The following GPR158 variants were observed in gnomAD, a reference collection of about 807,000 sequenced individuals.
GPR158 encodes G protein-coupled receptor 158, also known as metabotropic glycine receptor.
Under a neutral mutation model 78.2 loss-of-function variants are expected in GPR158, and 30 were observed. The observed-to-expected ratio is 0.38, with a 90% confidence interval of 0.29 to 0.52. GPR158 has a LOEUF of 0.52. Among genes scored for constraint, GPR158 ranks in the 20% least tolerant of loss-of-function variants. GPR158 has a pLI of 0.83. For synonymous variants in GPR158, 581 were observed against 591.1 expected (o/e 0.98, Z 0.25); for missense variants, 1,463 against 1,523.5 (o/e 0.96, Z 0.66).
chr10:25,453,572 C>T (rs767319772), intron 4 of GPR158, among the ~76,000 whole-genome samples: 2 of 151,898 alleles, frequency 1.3e-5, no homozygotes, highest in Admixed American at 6.6e-5. Flanking sequence ...TTATTAATTC[C>T]AATTAATGAG....
chr10:25,350,250 G>T lies in GPR158; in HGVS notation c.1009-45661G>T, dbSNP rs75199502. ...AGTGACTATGTATTGTGAATATTCA[G>T]AAATTTATACTTTTAAATAAAATTC... is the stretch of plus-strand genomic sequence containing the variant. On this transcript the variant is annotated intron_variant, in intron 2 of 10. Transcript: ENST00000376351. Among the ~76,000 whole-genome samples the T allele has an allele frequency of 1.1e-3, 172 of 152,068 alleles. 1 individual carries two copies. The East Asian group carries it at 0.03, about 27-fold the overall frequency.
chr10:25,514,929 G>C (rs1039755641), intron 5 of GPR158, among the ~76,000 whole-genome samples: 15 of 152,052 alleles, frequency 9.9e-5, no homozygotes, highest in Non-Finnish European at 1.9e-4. Flanking sequence ...TGGTGCTTTT[G>C]CTTCATAGCT....
intron 5 of GPR158, among the ~76,000 whole-genome samples, chr10:25,509,691 G>A (rs1836058140): frequency 6.6e-6 from 1 of 152,120 alleles, no homozygotes; most frequent in South Asian, 2.1e-4. Flanking sequence ...CCAGGTGTAA[G>A]CTGTATTGCC....
chr10:25,251,013 T>A (rs1853789466), intron 2 of GPR158, among the ~76,000 whole-genome samples: 4 of 152,028 alleles, frequency 2.6e-5, no homozygotes, highest in African/African-American at 4.8e-5. Flanking sequence ...TGGGTGCATA[T>A]ATATTTAGGA....
chr10:25,459,379 GCT>G (rs1409624095), intron 4 of GPR158, among the ~76,000 whole-genome samples: 1 of 151,928 alleles, frequency 6.6e-6, no homozygotes, highest in East Asian at 1.9e-4. Context: ...TAGTTCTATT[GCT>G]CTCTCATATT....
At chr10:25,200,863 G>GTTTTT (rs1209435056) in intron 1 of GPR158, among the ~76,000 whole-genome samples, 4 of 84,490 alleles carry the variant, frequency 4.7e-5, no homozygotes, top group African/African-American at 9.0e-5. Flanking sequence ...TCTGTTTTTT[G>GTTTTT]TTTTGTTTTT....
At chr10:25,494,291 G>T (rs904571902) in intron 5 of GPR158, among the ~76,000 whole-genome samples, 8 of 152,098 alleles carry the variant, frequency 5.3e-5, no homozygotes, top group Non-Finnish European at 1.0e-4. Context: ...TCTATATTAT[G>T]AGTTAAACAC....
chr10:25,515,284 G>C (rs565727871), intron 5 of GPR158, among the ~76,000 whole-genome samples: 4 of 151,946 alleles, frequency 2.6e-5, no homozygotes, highest in Non-Finnish European at 4.4e-5. Context: ...TGATTCTATA[G>C]CTGAGACTTT....
At chr10:25,440,248 G>T (rs1588865479) in intron 4 of GPR158, among the ~76,000 whole-genome samples, 1 of 152,200 alleles carries the variant, frequency 6.6e-6, no homozygotes, top group South Asian at 2.1e-4. Flanking sequence ...CAGTACAGGG[G>T]CCTGGGCCAC....
At position 25,385,618 on chromosome 10, in the gene GPR158, C is replaced by T. The variant is rs145883566; in HGVS notation, c.1009-10293C>T. ...AGGGTTCCAATTTTTTCCACATCCT[C>T]AGAAACATTTATTATTATTATAATT... On this transcript the variant is annotated intron_variant, in intron 2 of 10. Transcript: ENST00000376351. Among the ~76,000 whole-genome samples, 101 of 152,214 alleles carry T rather than the reference C, an allele frequency of 6.6e-4. 1 individual carries two copies. The highest frequency in any genetic ancestry group is 2.3e-3 in the African/African-American group (96 of 41,570).
intron 4 of GPR158, among the ~76,000 whole-genome samples, chr10:25,455,136 A>G (rs1835273563): frequency 6.6e-6 from 1 of 152,200 alleles, no homozygotes; most frequent in South Asian, 2.1e-4. Flanking sequence ...ATAGAAAAGC[A>G]GGTTGGAAAA....
chr10:25,374,332 C>T (rs1564437297), intron 2 of GPR158, among the ~76,000 whole-genome samples: 1 of 151,354 alleles, frequency 6.6e-6, no homozygotes, highest in Non-Finnish European at 1.5e-5. Flanking sequence ...ACTCTGTATT[C>T]CCCAATGGTA....
intron 2 of GPR158, among the ~76,000 whole-genome samples, chr10:25,229,302 G>A (rs1853417710): frequency 6.6e-6 from 1 of 152,070 alleles, no homozygotes; most frequent in African/African-American, 2.4e-5. Context: ...ATCATAGGGA[G>A]GATTACTAAC....
chr10:25,477,463 A>G, intron 5 of GPR158, among the ~76,000 whole-genome samples: 1 of 152,242 alleles, frequency 6.6e-6, no homozygotes, highest in East Asian at 1.9e-4. Flanking sequence ...TTTATACTTC[A>G]TTCCCTCAAC....
intron 7 of GPR158, among the ~76,000 whole-genome samples, chr10:25,586,965 A>G (rs1241831067): frequency 1.3e-5 from 2 of 152,228 alleles, no homozygotes; most frequent in Non-Finnish European, 2.9e-5. Context: ...TTAATCAGGT[A>G]CTATAGCCAA....
intron 5 of GPR158, among the ~76,000 whole-genome samples, chr10:25,509,130 C>T (rs1836050993): frequency 6.6e-6 from 1 of 152,144 alleles, no homozygotes; most frequent in African/African-American, 2.4e-5. Context: ...CTGGCAACCA[C>T]CCACTAAACA....
chr10:25,576,449 A>AACTT (rs1042556299), intron 7 of GPR158, among the ~76,000 whole-genome samples: 8 of 152,206 alleles, frequency 5.3e-5, no homozygotes, highest in Admixed American at 1.3e-4. Context: ...CCAGAGAGAA[A>AACTT]ACTTACTTAC....
intron 2 of GPR158, among the ~76,000 whole-genome samples, chr10:25,361,571 A>T (rs1855641172): frequency 6.6e-6 from 1 of 151,908 alleles, no homozygotes; most frequent in African/African-American, 2.4e-5. Flanking sequence ...CAAGGGTACC[A>T]ATTTTTCCAC....
chr10:25,228,742 G>A (rs1033394901), intron 2 of GPR158, among the ~76,000 whole-genome samples: 1 of 152,080 alleles, frequency 6.6e-6, no homozygotes, highest in East Asian at 1.9e-4. Flanking sequence ...TGTACAAGAT[G>A]ATTTGTAGGC....
Sources: allele counts gnomAD v4.1 joint callset (sites outside exome capture counted in the v4.1 genomes callset), GRCh38; gene constraint gnomAD v4.1.1; transcripts MANE v1.5; gene names NCBI Gene and HGNC (gene_info 2026-07-23, HGNC 2026-07-21).